The following PRTFDC1 variants were observed in gnomAD, a reference collection of about 807,000 sequenced individuals.
PRTFDC1 encodes phosphoribosyl transferase domain containing 1.
A neutral mutation model predicts 34.6 loss-of-function variants in PRTFDC1; 38 were observed. That is an observed-to-expected ratio of 1.10 (90% CI 0.85 to 1.44). The LOEUF (loss-of-function observed/expected upper bound fraction) is 1.44. Ranked by LOEUF, PRTFDC1 falls within the 40% of genes most tolerant of loss-of-function variation. PRTFDC1 has a pLI of 0.00. For missense variants in PRTFDC1, 270 were observed against 283.0 expected, an observed-to-expected ratio of 0.95 and a Z score of 0.33; for synonymous variants, 93 against 98.1, an observed-to-expected ratio of 0.95 and a Z score of 0.31.
intron 3 of PRTFDC1, among the ~76,000 whole-genome samples, chr10:24,929,052 A>AAAAGAAAGAAAG (rs1554765606): frequency 8.6e-5 from 10 of 116,506 alleles, no homozygotes; most frequent in South Asian, 2.9e-4. Context: ...AAAAAAAAAA[A>AAAAGAAAGAAAG]AAAGAAAGAA....
chr10:24,933,438 G>T (rs1251910268), intron 3 of PRTFDC1, among the ~76,000 whole-genome samples: 1 of 151,936 alleles, frequency 6.6e-6, no homozygotes, highest in African/African-American at 2.4e-5. Flanking sequence ...TAAGATAGTT[G>T]AACAAACACT....
intron 7 of PRTFDC1, among the ~76,000 whole-genome samples, chr10:24,853,080 G>A (rs555440150): frequency 6.6e-6 from 1 of 152,222 alleles, no homozygotes; most frequent in African/African-American, 2.4e-5. Flanking sequence ...AAGAGCAGAA[G>A]AGGTCAGAAG....
At chr10:24,886,635 G>A (rs1428239979) in intron 3 of PRTFDC1, among the ~76,000 whole-genome samples, 1 of 152,066 alleles carries the variant, frequency 6.6e-6, no homozygotes, top group Non-Finnish European at 1.5e-5. Flanking sequence ...CCTTACATTC[G>A]GGGTCTCATT....
chr10:24,860,751 G>A (rs952276348), intron 4 of PRTFDC1, among the ~76,000 whole-genome samples: 1 of 152,052 alleles, frequency 6.6e-6, no homozygotes, highest in Admixed American at 6.5e-5. Context: ...TACTGCCAGG[G>A]GAGTCCTCTT....
intron 3 of PRTFDC1, among the ~76,000 whole-genome samples, chr10:24,916,485 T>A (rs1848697799): frequency 6.6e-6 from 1 of 152,182 alleles, no homozygotes; most frequent in Admixed American, 6.5e-5. Context: ...TTTCTCCAAG[T>A]CACCTCTGAC....
At chr10:24,859,168 A>G (rs1014108587) in intron 4 of PRTFDC1, among the ~76,000 whole-genome samples, 1 of 151,700 alleles carries the variant, frequency 6.6e-6, no homozygotes, top group Non-Finnish European at 1.5e-5. Flanking sequence ...GTGGTGTTGT[A>G]TCTGGTTGTT....
chr10:24,882,956 T>A (rs1338238135), intron 3 of PRTFDC1, among the ~76,000 whole-genome samples: 1 of 150,838 alleles, frequency 6.6e-6, no homozygotes, highest in Non-Finnish European at 1.5e-5. Context: ...AGGATACAGT[T>A]TTCAAGTGAA....
intron 5 of PRTFDC1, 48 bp downstream of exon 5, chr10:24,858,344 A>G: frequency 6.3e-7 from 1 of 1,589,178 alleles, no homozygotes; most frequent in South Asian, 1.1e-5. Context: ...AAAACTCACC[A>G]TTAGATTCTT....
At chr10:24,907,935 G>A (rs1269761366) in intron 3 of PRTFDC1, among the ~76,000 whole-genome samples, 1 of 152,122 alleles carries the variant, frequency 6.6e-6, no homozygotes, top group Non-Finnish European at 1.5e-5. Context: ...TTTCATTCTA[G>A]GGCTAGGCAA....
rs147739251 is a variant in PRTFDC1 at position 24,913,350 on chromosome 10, G to A, written c.339+23834C>T. On this transcript the variant is annotated intron_variant, in intron 3 of 8. Coordinates refer to ENST00000320152, the MANE Select transcript of PRTFDC1 (RefSeq NM_020200.7). ...TACTGTTCTTTTAGCTGACCCTTTGGGTAACTGCATCTGTATTTATTAGGT... is the reference window on the plus strand; with the variant it reads ...TACTGTTCTTTTAGCTGACCCTTTGAGTAACTGCATCTGTATTTATTAGGT... 2.6e-5 allele frequency among the ~76,000 whole-genome samples: 4 copies of A among 152,190 alleles called. No individual in the cohort carries two copies. In the East Asian group the frequency reaches 7.7e-4, roughly 29 times the overall value.
chr10:24,923,903 G>GA (rs1479155911), intron 3 of PRTFDC1, among the ~76,000 whole-genome samples: 1 of 151,986 alleles, frequency 6.6e-6, no homozygotes, highest in Admixed American at 6.6e-5. Flanking sequence ...TAAAAACCTT[G>GA]AAAAAAGGTT....
intron 3 of PRTFDC1, among the ~76,000 whole-genome samples, chr10:24,886,189 T>C (rs1205398118): frequency 2.0e-5 from 3 of 152,198 alleles, no homozygotes; most frequent in Admixed American, 2.0e-4. Flanking sequence ...AATGTTCAAC[T>C]CTGGCAGGGG....
intron 3 of PRTFDC1, among the ~76,000 whole-genome samples, chr10:24,898,305 A>AAAAG: frequency 6.6e-6 from 1 of 150,530 alleles, no homozygotes; most frequent in African/African-American, 2.4e-5. Flanking sequence ...AAAAAAAAAA[A>AAAAG]ACACAAAAAT....
intron 3 of PRTFDC1, among the ~76,000 whole-genome samples, chr10:24,935,173 A>G (rs917281678): frequency 6.6e-6 from 1 of 152,190 alleles, no homozygotes; most frequent in Non-Finnish European, 1.5e-5. Flanking sequence ...AACTCTAAAG[A>G]GGATGGATGT....
At chr10:24,940,520 C>G (rs1382061843) in intron 2 of PRTFDC1, among the ~76,000 whole-genome samples, 2 of 152,144 alleles carry the variant, frequency 1.3e-5, no homozygotes, top group Admixed American at 1.3e-4. Context: ...TAGACAGCCA[C>G]AAGAATGGCT....
intron 3 of PRTFDC1, among the ~76,000 whole-genome samples, chr10:24,880,827 C>CTTTCTTTCTTTTCTTTCTTTCTT (rs769247699): frequency 7.9e-6 from 1 of 127,218 alleles, no homozygotes; most frequent in African/African-American, 3.6e-5. Context: ...TTCTTTCTTT[C>CTTTCTTTCTTTTCTTTCTTTCTT]TTTCTTTCTT....
At chr10:24,884,110 G>T (rs988558559) in intron 3 of PRTFDC1, among the ~76,000 whole-genome samples, 1 of 151,432 alleles carries the variant, frequency 6.6e-6, no homozygotes, top group African/African-American at 2.4e-5. Flanking sequence ...GGGATTTCAG[G>T]TGTGAGCCAC....
chr10:24,934,733 T>C (rs1471390235), intron 3 of PRTFDC1, among the ~76,000 whole-genome samples: 5 of 152,214 alleles, frequency 3.3e-5, no homozygotes, highest in Admixed American at 3.3e-4. Flanking sequence ...CATGTATTCA[T>C]TGATGACTTC....
chr10:24,854,963 G>T (rs560202587), intron 7 of PRTFDC1, among the ~76,000 whole-genome samples: 1 of 152,170 alleles, frequency 6.6e-6, no homozygotes, highest in Non-Finnish European at 1.5e-5. Context: ...GGGATCCTAT[G>T]TGTCTGAGTC....
Sources: allele counts gnomAD v4.1 joint callset (sites outside exome capture counted in the v4.1 genomes callset), GRCh38; gene constraint gnomAD v4.1.1; transcripts MANE v1.5; gene names NCBI Gene and HGNC (gene_info 2026-07-23, HGNC 2026-07-21).